Variants in TTC12 observed in about 807,000 individuals in gnomAD.
The protein encoded by TTC12 is tetratricopeptide repeat domain 12, also known as tetratricopeptide repeat protein 12.
A neutral mutation model predicts 90.1 loss-of-function variants in TTC12; 70 were observed. The ratio of observed to expected loss-of-function variants is 0.78; its 90% CI spans 0.64 to 0.95. The LOEUF is 0.95. Ranked by LOEUF, TTC12 falls within the 40% of genes least tolerant of loss-of-function variation. TTC12 has a pLI of 0.00. For missense variants in TTC12, 819 were observed against 846.1 expected (o/e 0.97, Z 0.40); for synonymous variants, 296 against 311.5 (o/e 0.95, Z 0.53).
chr11:113,314,762 C>A (rs973569029), intron 1 of TTC12, 144 bp downstream of exon 1: 3 of 152,622 alleles, frequency 2.0e-5, no homozygotes, highest in African/African-American at 7.2e-5. Flanking sequence ...CTGGGACCTG[C>A]ATGGAGGGCC....
chr11:113,320,388 G>A (rs542373644), intron 2 of TTC12, among the ~76,000 whole-genome samples: 1 of 152,216 alleles, frequency 6.6e-6, no homozygotes, highest in Admixed American at 6.5e-5. Flanking sequence ...ATGGCAGAAC[G>A]ACACAGTAGA....
chr11:113,319,445 G>A (rs1380615767), intron 2 of TTC12, among the ~76,000 whole-genome samples: 1 of 152,010 alleles, frequency 6.6e-6, no homozygotes, highest in Non-Finnish European at 1.5e-5. Context: ...GTGCAGTTGA[G>A]TTAATTTAAA....
At chr11:113,329,517 G>A (rs978098227) in intron 6 of TTC12, 1 of 450,164 alleles carries the variant, frequency 2.2e-6, no homozygotes, top group African/African-American at 2.0e-5. Context: ...AAGTGAGATT[G>A]GGGTATTTAT....
chr11:113,360,285 C>T (rs1293040318), intron 18 of TTC12, among the ~76,000 whole-genome samples: 2 of 152,048 alleles, frequency 1.3e-5, no homozygotes, highest in Admixed American at 6.6e-5. Context: ...ATCCCCCTTC[C>T]GTATGGTCTG....
chr11:113,355,357 T>C (rs538293520), intron 16 of TTC12, among the ~76,000 whole-genome samples: 2 of 152,290 alleles, frequency 1.3e-5, no homozygotes, highest in Non-Finnish European at 2.9e-5. Context: ...CTTTCCTTCT[T>C]TTTTAGTCTA....
chr11:113,321,450 A>G (rs572899904), intron 2 of TTC12, among the ~76,000 whole-genome samples: 6 of 152,342 alleles, frequency 3.9e-5, no homozygotes, highest in South Asian at 4.1e-4. Context: ...TATGGTATAT[A>G]TAATGGTTTA....
Position 113,364,993 on chromosome 11 carries a change from A to G in TTC12, c.1975A>G (p.Thr659Ala), listed in dbSNP as rs765318209. 12 of 1,614,206 alleles carry G rather than the reference A, an allele frequency of 7.4e-6. No homozygotes were observed. In the East Asian group the frequency reaches 2.0e-4, roughly 27 times the overall value. ...CTTGTTAAAGCTTGCAGGCAGTGAC[A>G]CACAGAAGACGGCCGTGCAGGTGAA... is the stretch of plus-strand genomic sequence containing the variant. Reference protein sequence around the residue: ...QVLLKLAGSDTQKTAVQVNAG... With the variant: ...QVLLKLAGSDAQKTAVQVNAG... The change falls in exon 21 of 22, where the codon ACA becomes GCA. Residue 659 changes from threonine (T) to alanine (A), a missense_variant. By Grantham distance (58) the Thr-to-Ala change is moderately conservative (BLOSUM62 0). Coordinates refer to ENST00000529221, the MANE Select transcript of TTC12 (RefSeq NM_017868.4).
intron 8 of TTC12, among the ~76,000 whole-genome samples, chr11:113,338,106 C>T (rs1353003602): frequency 2.6e-5 from 4 of 151,950 alleles, no homozygotes; most frequent in Middle Eastern, 3.4e-3. Flanking sequence ...GTTTTCTGAG[C>T]GTTTTCTCTA....
intron 6 of TTC12, among the ~76,000 whole-genome samples, chr11:113,326,363 G>A (rs1359316459): frequency 6.6e-6 from 1 of 152,130 alleles, no homozygotes; most frequent in Admixed American, 6.5e-5. Flanking sequence ...AGAGTTCTCT[G>A]CTGGACAGGC....
chr11:113,368,679 C>A, downstream of TTC12: 2 of 635,630 alleles, frequency 3.1e-6, no homozygotes, highest in Non-Finnish European at 5.6e-6. Context: ...TGAGAGGAAA[C>A]AATAGGAAGG....
intron 14 of TTC12, among the ~76,000 whole-genome samples, chr11:113,350,765 A>G (rs1045660476): frequency 2.0e-5 from 3 of 152,230 alleles, no homozygotes; most frequent in African/African-American, 7.2e-5. Flanking sequence ...AGAGATGATA[A>G]TAGGATGAGA....
chr11:113,352,807 T>C (rs1403491556), intron 16 of TTC12, among the ~76,000 whole-genome samples: 1 of 152,248 alleles, frequency 6.6e-6, no homozygotes, highest in East Asian at 1.9e-4. Flanking sequence ...GGCTCTGTGG[T>C]ATTCCGTGGT....
At chr11:113,339,028 A>G (rs191210720) in intron 9 of TTC12, among the ~76,000 whole-genome samples, 194 bp downstream of exon 9, 1 of 151,680 alleles carries the variant, frequency 6.6e-6, no homozygotes, top group Admixed American at 6.6e-5. Flanking sequence ...AAATAGTAAT[A>G]TTTTCCTTCT....
intron 21 of TTC12, 33 bp from the exon 22 acceptor site, chr11:113,366,192 T>A: frequency 6.2e-7 from 1 of 1,609,796 alleles, no homozygotes; most frequent in South Asian, 1.1e-5. Context: ...CCGTGGCACT[T>A]ATGCCCTGGG....
At chr11:113,338,079 T>A (rs1274773149) in intron 8 of TTC12, among the ~76,000 whole-genome samples, 2 of 152,140 alleles carry the variant, frequency 1.3e-5, no homozygotes, top group East Asian at 3.8e-4. Flanking sequence ...TTTGTTGTTG[T>A]TGTTGTTGTT....
intron 8 of TTC12, among the ~76,000 whole-genome samples, chr11:113,335,888 A>G (rs1555143900): frequency 6.6e-6 from 1 of 152,180 alleles, no homozygotes; most frequent in Admixed American, 6.5e-5. Flanking sequence ...ATGAACATTC[A>G]TGTGCAGGGT....
At chr11:113,316,375 TTGCTC>T (rs1398851592) in intron 2 of TTC12, 60 bp downstream of exon 2, 2 of 823,068 alleles carry the variant, frequency 2.4e-6, no homozygotes, top group Admixed American at 5.9e-5. Flanking sequence ...AGATAAATGA[TTGCTC>T]TAAGTTCCTG....
At chr11:113,328,594 A>G (rs1947837878) in intron 6 of TTC12, among the ~76,000 whole-genome samples, 1 of 152,080 alleles carries the variant, frequency 6.6e-6, no homozygotes, top group African/African-American at 2.4e-5. Flanking sequence ...ACAGAAGCAG[A>G]GCTTTATTAT....
intron 20 of TTC12, 23 bp downstream of exon 20, chr11:113,363,950 G>A (rs1230747357): frequency 1.3e-6 from 2 of 1,560,216 alleles, no homozygotes; most frequent in East Asian, 4.5e-5. Context: ...TTCCTTAAGG[G>A]AGCCCTTGTC....
Sources: gnomAD v4.1 joint callset for allele counts (sites outside exome capture counted in the v4.1 genomes callset) on GRCh38, gnomAD v4.1.1 for gene constraint, MANE v1.5 for transcripts, NCBI Gene and HGNC (gene_info 2026-07-23, HGNC 2026-07-21) for gene names.